FGF12: variants seen among roughly 807,000 people sequenced by gnomAD.
The protein encoded by FGF12 is fibroblast growth factor 12B.
Under a neutral mutation model 23.6 loss-of-function variants are expected in FGF12, and 14 were observed. The ratio of observed to expected loss-of-function variants is 0.59; its 90% CI spans 0.39 to 0.93. The LOEUF is 0.93. FGF12 is among the 40% of genes least tolerant of loss of function. The pLI is 0.00. For missense variants in FGF12, 175 were observed against 217.8 expected, an observed-to-expected ratio of 0.80 and a Z score of 1.24; for synonymous variants, 62 against 77.3, an observed-to-expected ratio of 0.80 and a Z score of 1.04.
intron 2 of FGF12, among the ~76,000 whole-genome samples, chr3:192,411,862 G>A (rs1432935078): frequency 6.6e-6 from 1 of 152,124 alleles, no homozygotes; most frequent in Non-Finnish European, 1.5e-5. Context: ...CTCAAAATGG[G>A]GATAATCATT....
At chr3:192,456,144 A>G (rs1722675769) in intron 2 of FGF12, among the ~76,000 whole-genome samples, 1 of 152,360 alleles carries the variant, frequency 6.6e-6, no homozygotes, top group East Asian at 1.9e-4. Context: ...TGTCTATTAC[A>G]TTTTCACAAT....
chr3:192,339,126 AT>A (rs1207495520), intron 3 of FGF12, among the ~76,000 whole-genome samples: 1 of 152,172 alleles, frequency 6.6e-6, no homozygotes, highest in African/African-American at 2.4e-5. Context: ...TACTAAGCCC[AT>A]TTTTAAAAAT....
chr3:192,718,161 CTTTTTTTTTTTTT>C (rs71177369), intron 2 of FGF12, among the ~76,000 whole-genome samples: 1 of 77,970 alleles, frequency 1.3e-5, no homozygotes, highest in Non-Finnish European at 2.5e-5. Context: ...GTTAGTCTTT[CTTTTTTTTTTTTT>C]TTTTTTTTTT....
chr3:192,392,593 AGAG>A lies in FGF12; in HGVS notation c.14-32058_14-32056del, dbSNP rs1560097137. Among the ~76,000 whole-genome samples, 5 of 14,000 alleles carry A rather than the reference AGAG, an allele frequency of 3.6e-4. No individual in the cohort carries two copies. The East Asian group carries it at 0.018, about 51-fold the overall frequency. The allele number at this position is 14,000 out of a possible 152,430, so 9.2% of individuals were successfully genotyped here. A position where few individuals can be genotyped will look rare whatever the true frequency, so the allele number is the denominator to read the frequency against. Reference sequence around the variant, plus strand: ...CCTGGGCAACAAAAGTGAAACTCCGAGAGAGAGAGAGAGAGAGAGAGAGAGAGA... The same window carrying A: ...CCTGGGCAACAAAAGTGAAACTCCGAAGAGAGAGAGAGAGAGAGAGAGAGA... On this transcript the variant is annotated intron_variant, in intron 2 of 5. Transcript: ENST00000445105.
chr3:192,171,861 T>C (rs748262588), intron 4 of FGF12, among the ~76,000 whole-genome samples: 4 of 151,326 alleles, frequency 2.6e-5, no homozygotes, highest in Non-Finnish European at 5.9e-5. Flanking sequence ...CCAATCTCCT[T>C]ATTTGTAGAG....
At chr3:192,547,818 T>C (rs1001225980) in intron 2 of FGF12, among the ~76,000 whole-genome samples, 1 of 152,208 alleles carries the variant, frequency 6.6e-6, no homozygotes, top group African/African-American at 2.4e-5. Flanking sequence ...ATTATCATTT[T>C]CTTCTCTATA....
At chr3:192,202,413 C>A (rs921167054) in intron 4 of FGF12, among the ~76,000 whole-genome samples, 19 of 152,158 alleles carry the variant, frequency 1.2e-4, no homozygotes, top group Non-Finnish European at 2.1e-4. Flanking sequence ...AGATTTTTGT[C>A]TCCATTTGTG....
At chr3:192,443,464 G>T (rs889659346) in intron 2 of FGF12, among the ~76,000 whole-genome samples, 8 of 152,144 alleles carry the variant, frequency 5.3e-5, no homozygotes, top group African/African-American at 1.9e-4. Context: ...AATAAGTAGG[G>T]CTGGAAAGGT....
intron 2 of FGF12, among the ~76,000 whole-genome samples, chr3:192,378,080 T>TTCTGTCTTTCTG (rs1553805089): frequency 3.8e-5 from 4 of 105,810 alleles, no homozygotes; most frequent in African/African-American, 1.5e-4. Context: ...CTTTCTTTCT[T>TTCTGTCTTTCTG]TCTTTCTTTC....
intron 4 of FGF12, among the ~76,000 whole-genome samples, chr3:192,222,034 A>T (rs1276424871): frequency 6.6e-6 from 1 of 152,194 alleles, no homozygotes. Flanking sequence ...AGCCACAGGA[A>T]CAGAGAACAT....
At position 192,408,038 on chromosome 3, in the gene FGF12, C is replaced by A; in HGVS notation, c.14-47500G>T. 6.2e-7 allele frequency: 1 copy of A among 1,611,336 alleles called. No homozygotes were observed. The highest frequency in any genetic ancestry group is 8.5e-7 in the Non-Finnish European group (1 of 1,179,350). On this transcript the variant is annotated intron_variant, in intron 2 of 5. Transcript: ENST00000445105. The surrounding 1 kb of genome is among the most constrained non-coding windows in gnomAD (Gnocchi z 7.3). Reference sequence around the variant, plus strand: ...GCTTCTACTGACCTGGTCTCCGCCTCACCGGCCTCTTGCGGCCGCTGCAGA... The same window carrying A: ...GCTTCTACTGACCTGGTCTCCGCCTAACCGGCCTCTTGCGGCCGCTGCAGA...
At chr3:192,599,254 TATAATA>T (rs11269443) in intron 2 of FGF12, among the ~76,000 whole-genome samples, 5 of 98,348 alleles carry the variant, frequency 5.1e-5, no homozygotes, top group East Asian at 6.0e-4. Flanking sequence ...GAACTTGAAG[TATAATA>T]ATAATAATAA....
chr3:192,276,322 T>C (rs970223029), intron 4 of FGF12, among the ~76,000 whole-genome samples: 2 of 152,146 alleles, frequency 1.3e-5, no homozygotes, highest in African/African-American at 4.8e-5. Context: ...CTAGATGAAG[T>C]CTAGAAATTT....
chr3:192,507,372 CACACACACAT>C lies in FGF12; in HGVS notation c.14-146844_14-146835del, dbSNP rs879594279. ...ACACACACACACACACACACACACA[CACACACACAT>C]ACAAGCACACAGACATTTTAAATAG... On this transcript the variant is annotated intron_variant, in intron 2 of 5. Coordinates refer to ENST00000445105, the MANE Select transcript of FGF12 (RefSeq NM_004113.6). 9.0e-3 allele frequency among the ~76,000 whole-genome samples: 1,225 copies of C among 136,386 alleles called. 4 individuals are homozygous for C. The highest frequency in any genetic ancestry group is 0.013 in the Non-Finnish European group (852 of 63,872). 89.5% of individuals were successfully genotyped at this position (136,386 alleles called of 152,430 possible).
At chr3:192,165,521 T>G (rs199743737) in intron 5 of FGF12, among the ~76,000 whole-genome samples, 1 of 127,476 alleles carries the variant, frequency 7.8e-6, no homozygotes, top group Non-Finnish European at 1.7e-5. Flanking sequence ...GGTCCAATTT[T>G]TTTTTTTTTT....
chr3:192,347,504 C>A (rs571491299), intron 3 of FGF12, among the ~76,000 whole-genome samples: 8 of 152,222 alleles, frequency 5.3e-5, no homozygotes, highest in Admixed American at 4.6e-4. Context: ...CTATGAGGAG[C>A]GGCTGCTGTC....
chr3:192,707,143 A>T (rs1471488855), intron 2 of FGF12, among the ~76,000 whole-genome samples: 2 of 152,208 alleles, frequency 1.3e-5, no homozygotes, highest in African/African-American at 4.8e-5. Context: ...CAGAAATCCC[A>T]GGTTATCTTC....
intron 2 of FGF12, among the ~76,000 whole-genome samples, chr3:192,635,126 C>G (rs1476812002): frequency 6.6e-6 from 1 of 152,178 alleles, no homozygotes; most frequent in African/African-American, 2.4e-5. Flanking sequence ...TCCCAAAGTG[C>G]TGGGGTTACA....
intron 2 of FGF12, among the ~76,000 whole-genome samples, chr3:192,454,022 T>C (rs1321896833): frequency 6.6e-6 from 1 of 152,098 alleles, no homozygotes; most frequent in East Asian, 1.9e-4. Context: ...GATGTATATC[T>C]ACATTTCTCT....
Sources: gnomAD v4.1 joint callset for allele counts (sites outside exome capture counted in the v4.1 genomes callset) on GRCh38, gnomAD v4.1.1 for gene constraint, Gnocchi (gnomAD v3.1) non-coding constraint, MANE v1.5 for transcripts, NCBI Gene and HGNC (gene_info 2026-07-23, HGNC 2026-07-21) for gene names.